MRC2: variants seen among roughly 807,000 people sequenced by gnomAD.
MRC2 encodes the protein mannose receptor C-type 2, also known as C-type mannose receptor 2.
A neutral mutation model predicts 206.2 loss-of-function variants in MRC2; 84 were observed. That is an observed-to-expected ratio of 0.41 (90% confidence interval 0.34 to 0.49). MRC2 has a LOEUF of 0.49. Among genes scored for constraint, MRC2 ranks in the 20% least tolerant of loss-of-function variants. The pLI is 0.31. For missense variants in MRC2, 1,676 were observed against 2,001.5 expected, an observed-to-expected ratio of 0.84 and a Z score of 3.10; for synonymous variants, 798 against 800.0, an observed-to-expected ratio of 1.00 and a Z score of 0.04.
rs776296238 is a variant in MRC2 at position 62,666,286 on chromosome 17, G to A, written c.694+19G>A. Reference sequence around the variant, plus strand: ...ATCAAGAGTGAGAGCTGTTGGAGCCGTGGGGGCGGGGGCAGTGTTCCTGGA... The same window carrying A: ...ATCAAGAGTGAGAGCTGTTGGAGCCATGGGGGCGGGGGCAGTGTTCCTGGA... On this transcript the variant is annotated intron_variant, in intron 3 of 29. Coordinates refer to ENST00000303375, the MANE Select transcript of MRC2 (RefSeq NM_006039.5). This position sits in a 1 kb window ranked among gnomAD's most constrained non-coding sequence, Gnocchi z 5.0. The A allele has an allele frequency of 9.6e-6, 15 of 1,558,622 alleles. No homozygotes were observed. In the Admixed American group the frequency reaches 1.9e-4, roughly 20 times the overall value.
chr17:62,659,971 G>C (rs2088662048), intron 1 of MRC2, among the ~76,000 whole-genome samples: 1 of 152,224 alleles, frequency 6.6e-6, no homozygotes, highest in Non-Finnish European at 1.5e-5. Flanking sequence ...AACTGTAGGT[G>C]CTGGGGTTAC....
In MRC2 at chr17:62,681,914, G is replaced by A. The variant is rs1329178018; in HGVS notation, c.2780G>A (p.Cys927Tyr). 4.3e-6 allele frequency: 7 copies of A among 1,613,900 alleles called. No homozygotes were observed. The highest frequency in any genetic ancestry group is 3.3e-5 in the Admixed American group (2 of 59,954). The stretch of plus-strand genomic sequence containing the variant: ...CGGCCTGTCGGCAAGGACAAGAAGT[G>A]CGTGTACATGACAGCCAGCCGAGGT... ...KPRPVGKDKKCVYMTASREDW... is the reference protein window; with the variant it reads ...KPRPVGKDKKYVYMTASREDW... Residue 927 changes from cysteine to tyrosine, a missense_variant, in exon 19 of 30, where the codon TGC (cysteine) becomes TAC (tyrosine). Physicochemically the swap from Cys to Tyr is radical, Grantham distance 194. Around this residue, in one of 3 missense-constraint regions of MRC2, gnomAD observed 1,354 missense variants for 1,636.6 expected, o/e 0.83. Coordinates refer to ENST00000303375, the MANE Select transcript of MRC2 (RefSeq NM_006039.5).
intron 20 of MRC2, among the ~76,000 whole-genome samples, chr17:62,686,028 A>G (rs995115394): frequency 2.0e-5 from 3 of 152,098 alleles, no homozygotes; most frequent in African/African-American, 7.2e-5. Context: ...CAATTTTTCC[A>G]TGTACTAGGG....
At chr17:62,651,249 A>G (rs2088552602) in intron 1 of MRC2, among the ~76,000 whole-genome samples, 1 of 151,956 alleles carries the variant, frequency 6.6e-6, no homozygotes, top group Non-Finnish European at 1.5e-5. Flanking sequence ...ACGCCCAGCA[A>G]ATTTTTGTAC....
chr17:62,661,520 C>CTTTCTTTCTCTTTCTT (rs2088679917), intron 1 of MRC2: 1 of 146,302 alleles, frequency 6.8e-6, no homozygotes. Context: ...TCTTTTCTTT[C>CTTTCTTTCTCTTTCTT]TTTCTTTCTC....
intron 9 of MRC2, among the ~76,000 whole-genome samples, 186 bp downstream of exon 9, chr17:62,674,356 C>T (rs981962571): frequency 6.6e-5 from 10 of 152,212 alleles, no homozygotes; most frequent in Admixed American, 4.6e-4. Context: ...GACGGGTGGG[C>T]GCTGTTGGGA....
In MRC2 at chr17:62,678,457, G is replaced by A. The variant is rs769981803; in HGVS notation, c.2053-47G>A. The A allele has an allele frequency of 3.4e-5, 54 of 1,591,744 alleles. 1 individual carries two copies. In the South Asian group the frequency reaches 6.0e-4, roughly 18 times the overall value. On this transcript the variant is annotated intron_variant, in intron 12 of 29. Transcript: ENST00000303375. ...GAAAGGCAGTAGGTGCCCCCTGAGG[G>A]GTGGGCCAGTGGGGACAGCTTAGAC... is the stretch of plus-strand genomic sequence containing the variant.
chr17:62,664,799 C>T lies in MRC2; in HGVS notation c.370C>T (p.Arg124Cys), dbSNP rs1211187019. The T allele has an allele frequency of 1.9e-5, 30 of 1,613,826 alleles. No individual in the cohort carries two copies. Among genetic ancestry groups the T allele is most frequent in the Non-Finnish European group, 2.5e-5 (29 of 1,180,044 alleles). Residue 124 changes from arginine to cysteine, a missense_variant, in exon 2 of 30, where the codon CGT becomes TGT. Transcript: ENST00000303375. The surrounding 1 kb of genome is among the most constrained non-coding windows in gnomAD (Gnocchi z 4.7). The stretch of plus-strand genomic sequence containing the variant: ...AGCACTGAATCTTCGCTGGCATTGT[C>T]GTACACTGGGTGACCAGCTGTCCTT... Reference protein sequence around the residue: ...REALNLRWHCRTLGDQLSLLL... With the variant: ...REALNLRWHCCTLGDQLSLLL...
chr17:62,692,646 G>A lies in MRC2; in HGVS notation c.*195G>A. ...CCCACAAGGGCTGGGCTGAGACCCA[G>A]CTGAGTGCAGCGTGGCGTTTCCCTT... is the stretch of plus-strand genomic sequence containing the variant. On this transcript the variant is annotated 3_prime_UTR_variant, in exon 30 of 30. Coordinates refer to ENST00000303375, the MANE Select transcript of MRC2 (RefSeq NM_006039.5). The surrounding 1 kb of genome is among the most constrained non-coding windows in gnomAD (Gnocchi z 4.2). The A allele has an allele frequency of 1.7e-6, 1 of 602,198 alleles. No individual in the cohort carries two copies. The highest frequency in any genetic ancestry group is 2.9e-6 in the Non-Finnish European group (1 of 343,814). 37.3% of individuals were successfully genotyped at this position (602,198 alleles called of 1,614,324 possible).
At chr17:62,628,013 T>C (rs2084183140) in intron 1 of MRC2, 93 bp downstream of exon 1, 3 of 823,730 alleles carry the variant, frequency 3.6e-6, no homozygotes, top group Non-Finnish European at 5.2e-6. Flanking sequence ...TTTTCCCCCC[T>C]CTTTTCTCCA....
intron 1 of MRC2, among the ~76,000 whole-genome samples, chr17:62,630,146 G>GCAT (rs1411861111): frequency 6.6e-6 from 1 of 152,196 alleles, no homozygotes; most frequent in African/African-American, 2.4e-5. Flanking sequence ...AGTGTAAGAT[G>GCAT]CATCCTCTGG....
chr17:62,666,194 G>A lies in MRC2; in HGVS notation c.621G>A (p.Glu207=). Residue 207 remains glutamate (E), a synonymous_variant, in exon 3 of 30, where the codon GAG becomes GAA. Coordinates refer to ENST00000303375, the MANE Select transcript of MRC2 (RefSeq NM_006039.5). The surrounding 1 kb of genome is among the most constrained non-coding windows in gnomAD (Gnocchi z 5.0). ...ACGGCTGCACCAGCACGGGCCGCGA[G>A]GATGGTCACCTGTGGTGTGCCACCA... ...WFHGCTSTGR[E]DGHLWCATTQ... The A allele has an allele frequency of 6.2e-7, 1 of 1,604,512 alleles. No homozygotes were observed. Among genetic ancestry groups the A allele is most frequent in the Non-Finnish European group, 8.5e-7 (1 of 1,175,718 alleles).
chr17:62,675,757 C>T lies in MRC2; in HGVS notation c.1570-33C>T, dbSNP rs1231236305. ...TGAGGGTGGAGAGTCATCTTCCCTA[C>T]AGACACCCCTCTTCTGTCCACTCTT... is the stretch of plus-strand genomic sequence containing the variant. On this transcript the variant is annotated intron_variant, in intron 9 of 29. Coordinates refer to ENST00000303375, the MANE Select transcript of MRC2 (RefSeq NM_006039.5). This position sits in a 1 kb window ranked among gnomAD's most constrained non-coding sequence, Gnocchi z 4.1. 7 of 1,546,838 alleles carry T rather than the reference C, an allele frequency of 4.5e-6. No homozygotes were observed. Among genetic ancestry groups the T allele is most frequent in the Non-Finnish European group, 6.3e-6 (7 of 1,119,448 alleles).
chr17:62,632,200 C>T (rs1334006438), intron 1 of MRC2, among the ~76,000 whole-genome samples: 1 of 152,118 alleles, frequency 6.6e-6, no homozygotes, highest in African/African-American at 2.4e-5. Flanking sequence ...ACCTGTGACA[C>T]CGGGGTCTGC....
chr17:62,640,902 C>G (rs2034528759), intron 1 of MRC2, among the ~76,000 whole-genome samples: 1 of 151,776 alleles, frequency 6.6e-6, no homozygotes, highest in Admixed American at 6.6e-5. Context: ...CAGGGTTTCA[C>G]TGTGTTAGCC....
intron 1 of MRC2, among the ~76,000 whole-genome samples, chr17:62,634,381 A>C (rs565584884): frequency 1.3e-5 from 2 of 152,004 alleles, no homozygotes; most frequent in Non-Finnish European, 2.9e-5. Context: ...GCTCACTGCA[A>C]CCTCTGCCTC....
intron 1 of MRC2, among the ~76,000 whole-genome samples, chr17:62,656,959 C>G (rs981079566): frequency 6.6e-6 from 1 of 152,170 alleles, no homozygotes; most frequent in African/African-American, 2.4e-5. Context: ...GCAGCCCCAG[C>G]CTAGCAATCT....
At position 62,672,040 on chromosome 17, in the gene MRC2, A is replaced by G. The variant is rs1025903772; in HGVS notation, c.1349A>G (p.Gln450Arg). ...LWIGLNDLKL[Q>R]MNFEWSDGSL... The stretch of plus-strand genomic sequence containing the variant: ...ATCGGCCTCAACGATTTGAAACTGC[A>G]GATGAATTTTGAGTGGTCTGACGGG... The change falls in exon 8 of 30, where the codon CAG becomes CGG. Residue 450 changes from glutamine (Q) to arginine (R), a missense_variant. Around this residue, in one of 3 missense-constraint regions of MRC2, gnomAD observed 1,354 missense variants for 1,636.6 expected, o/e 0.83. Coordinates refer to ENST00000303375, the MANE Select transcript of MRC2 (RefSeq NM_006039.5). This position sits in a 1 kb window ranked among gnomAD's most constrained non-coding sequence, Gnocchi z 4.5. 1 of 1,614,164 alleles carries G rather than the reference A, an allele frequency of 6.2e-7. No homozygotes were observed. The highest frequency in any genetic ancestry group is 8.5e-7 in the Non-Finnish European group (1 of 1,180,038).
At position 62,680,542 on chromosome 17, in the gene MRC2, A is replaced by AG; in HGVS notation, c.2473+93dup. The AG allele has an allele frequency of 6.5e-7, 1 of 1,542,092 alleles. No individual in the cohort carries two copies. The highest frequency in any genetic ancestry group is 1.1e-5 in the South Asian group (1 of 88,222). Reference sequence around the variant, plus strand: ...GTCCCGAGAGGCCTGAATGAAATGGAGGGGATGAGGAGTTCCGGTCGAGAG... The same window carrying AG: ...GTCCCGAGAGGCCTGAATGAAATGGAGGGGGATGAGGAGTTCCGGTCGAGAG... On this transcript the variant is annotated intron_variant, in intron 16 of 29. Coordinates refer to ENST00000303375, the MANE Select transcript of MRC2 (RefSeq NM_006039.5). The surrounding 1 kb of genome is among the most constrained non-coding windows in gnomAD (Gnocchi z 4.8).
Sources: gnomAD v4.1 joint callset for allele counts (sites outside exome capture counted in the v4.1 genomes callset) on GRCh38, gnomAD v4.1.1 for gene constraint, gnomAD v4.1.1 regional missense constraint, Gnocchi (gnomAD v3.1) non-coding constraint, MANE v1.5 for transcripts, NCBI Gene and HGNC (gene_info 2026-07-23, HGNC 2026-07-21) for gene names.